The following SASH1 variants were observed in gnomAD, a reference collection of about 807,000 sequenced individuals.
SASH1 encodes SAM and SH3 domain-containing protein 1.
SASH1 carries 44 observed loss-of-function variants against 125.2 expected under a neutral mutation model. The observed-to-expected ratio is 0.35, with a 90% CI of 0.28 to 0.45. The LOEUF (loss-of-function observed/expected upper bound fraction) is 0.45. SASH1 is among the 20% of genes least tolerant of loss of function. SASH1 has a pLI of 1.00. For synonymous variants in SASH1, 639 were observed against 649.1 expected (o/e 0.98, Z 0.24); for missense variants, 1,426 against 1,614.5 (o/e 0.88, Z 2.00).
chr6:148,449,078 CT>C, intron 4 of SASH1, among the ~76,000 whole-genome samples: 52 of 88,700 alleles, frequency 5.9e-4, no homozygotes, highest in East Asian at 1.7e-3. Flanking sequence ...CATTTCATTT[CT>C]TTTTTTTTTT....
intron 4 of SASH1, among the ~76,000 whole-genome samples, chr6:148,465,678 G>C (rs892093888): frequency 9.2e-5 from 14 of 152,150 alleles, no homozygotes; most frequent in Admixed American, 2.0e-4. Context: ...GCCCGCTGAA[G>C]TAAGGTGGCA....
intron 15 of SASH1, 59 bp from the exon 16 acceptor site, chr6:148,534,692 G>C (rs564075123): frequency 1.3e-6 from 2 of 1,554,204 alleles, no homozygotes; most frequent in East Asian, 2.2e-5. Context: ...AGTTGTTGGC[G>C]GTGTTATCAT....
intron 8 of SASH1, among the ~76,000 whole-genome samples, chr6:148,494,775 TAG>T (rs1246202987): frequency 2.0e-5 from 3 of 152,298 alleles, no homozygotes; most frequent in Admixed American, 1.3e-4. Context: ...TGGTTTGAGG[TAG>T]AGAGAGCCAT....
the SASH1 span, among the ~76,000 whole-genome samples, chr6:148,218,237 TAAAA>T: frequency 4.7e-5 from 7 of 148,466 alleles, no homozygotes; most frequent in Admixed American, 4.7e-4. Flanking sequence ...GAAAAAAAAA[TAAAA>T]AAACTTAGCT....
At chr6:148,411,329 A>G (rs1270669698) in intron 2 of SASH1, among the ~76,000 whole-genome samples, 1 of 152,198 alleles carries the variant, frequency 6.6e-6, no homozygotes, top group Non-Finnish European at 1.5e-5. Flanking sequence ...ACCAAGAGAA[A>G]TACAATATAA....
At chr6:148,363,803 A>G (rs1379502850) in intron 1 of SASH1, among the ~76,000 whole-genome samples, 1 of 152,032 alleles carries the variant, frequency 6.6e-6, no homozygotes, top group Non-Finnish European at 1.5e-5. Flanking sequence ...CAAGATTTGG[A>G]GAGTCAGAAA....
intron 4 of SASH1, among the ~76,000 whole-genome samples, chr6:148,442,509 A>G (rs1472890499): frequency 1.3e-5 from 2 of 151,668 alleles, no homozygotes; most frequent in South Asian, 2.1e-4. Context: ...ACATTTGCAC[A>G]CTCCTGAGCT....
chr6:148,453,819 C>G (rs553348338), intron 4 of SASH1, among the ~76,000 whole-genome samples: 1 of 152,296 alleles, frequency 6.6e-6, no homozygotes, highest in African/African-American at 2.4e-5. Flanking sequence ...GTGAACCCCG[C>G]TTGGGGGATA....
Position 148,549,586 on chromosome 6 carries a change from G to A in SASH1, c.*1028G>A, listed in dbSNP as rs538069732. On this transcript the variant is annotated 3_prime_UTR_variant, in exon 20 of 20. Coordinates refer to ENST00000367467, the MANE Select transcript of SASH1 (RefSeq NM_015278.5). Reference sequence around the variant, plus strand: ...CATGTTTGCAAAAGGTCACTGTGAGGCTGCATATTTCAGAAAGATGTCCTT... The same window carrying A: ...CATGTTTGCAAAAGGTCACTGTGAGACTGCATATTTCAGAAAGATGTCCTT... 2 of 398,908 alleles carry A rather than the reference G, an allele frequency of 5.0e-6. No homozygotes were observed. Among genetic ancestry groups the A allele is most frequent in the South Asian group, 2.5e-4 (2 of 7,856 alleles). The allele number at this position is 398,908 out of a possible 1,614,324, so 24.7% of individuals were successfully genotyped here. A position where few individuals can be genotyped will look rare whatever the true frequency, so the allele number is the denominator to read the frequency against.
At chr6:148,504,125 G>A (rs921870171) in intron 8 of SASH1, among the ~76,000 whole-genome samples, 1 of 152,182 alleles carries the variant, frequency 6.6e-6, no homozygotes, top group Admixed American at 6.5e-5. Context: ...GAGGAGCAAA[G>A]CCAGGAGAGC....
chr6:148,479,417 C>T (rs1417245122), intron 7 of SASH1: 2 of 206,386 alleles, frequency 9.7e-6, no homozygotes, highest in Admixed American at 8.6e-5. Flanking sequence ...AGGACACCTG[C>T]GTTTGGGAAG....
chr6:148,398,465 A>C (rs961797805), intron 2 of SASH1, among the ~76,000 whole-genome samples: 2 of 152,194 alleles, frequency 1.3e-5, no homozygotes, highest in African/African-American at 2.4e-5. Context: ...ATATTCAAGA[A>C]AATGATCAGG....
chr6:148,409,003 C>T (rs888573133), intron 2 of SASH1, among the ~76,000 whole-genome samples: 5 of 152,220 alleles, frequency 3.3e-5, no homozygotes, highest in Non-Finnish European at 7.3e-5. Flanking sequence ...ACCTGCTATG[C>T]TTGTCACTCC....
chr6:148,285,987 TCAA>T, intron 1 of SASH1, among the ~76,000 whole-genome samples: 1 of 152,324 alleles, frequency 6.6e-6, no homozygotes, highest in Admixed American at 6.5e-5. Flanking sequence ...CTAGTGATAG[TCAA>T]TGGATGTTAA....
intron 2 of SASH1, among the ~76,000 whole-genome samples, chr6:148,395,971 C>T (rs984266798): frequency 6.6e-6 from 1 of 152,060 alleles, no homozygotes; most frequent in Non-Finnish European, 1.5e-5. Context: ...TGATGTGGCA[C>T]GGAGCTGACA....
chr6:148,314,246 A>G (rs1780417552), intron 1 of SASH1, among the ~76,000 whole-genome samples: 1 of 152,126 alleles, frequency 6.6e-6, no homozygotes, highest in Admixed American at 6.6e-5. Flanking sequence ...CCTGTGGTGA[A>G]CTCATGCAAC....
rs1241385037 is a variant in SASH1 at position 148,532,106 on chromosome 6, G to GTCTC, written c.1564+446_1564+449dup. Reference sequence around the variant, plus strand: ...TTTTTATTTTTATTTTTGAGATGGAGTCTCACTGTCTCCCAGGCTGGAGTG... The same window carrying GTCTC: ...TTTTTATTTTTATTTTTGAGATGGAGTCTCTCTCACTGTCTCCCAGGCTGGAGTG... On this transcript the variant is annotated intron_variant, in intron 13 of 19. Coordinates refer to ENST00000367467, the MANE Select transcript of SASH1 (RefSeq NM_015278.5). This position sits in a 1 kb window ranked among gnomAD's most constrained non-coding sequence, Gnocchi z 4.7. 6.6e-6 allele frequency among the ~76,000 whole-genome samples: 1 copy of GTCTC among 152,102 alleles called. No homozygotes were observed. Among genetic ancestry groups the GTCTC allele is most frequent in the Middle Eastern group, 3.2e-3 (1 of 316 alleles).
intron 16 of SASH1, among the ~76,000 whole-genome samples, chr6:148,537,262 C>T (rs1187995063): frequency 1.3e-5 from 2 of 152,144 alleles, no homozygotes; most frequent in African/African-American, 2.4e-5. Context: ...AAGTCAGACC[C>T]GTCCAGCCTC....
chr6:148,433,940 A>C (rs1776171667), intron 2 of SASH1, among the ~76,000 whole-genome samples: 1 of 151,922 alleles, frequency 6.6e-6, no homozygotes, highest in African/African-American at 2.4e-5. Flanking sequence ...AAATATATTA[A>C]AGTAATTGAA....
Sources: gnomAD v4.1 joint callset for allele counts (sites outside exome capture counted in the v4.1 genomes callset) on GRCh38, gnomAD v4.1.1 for gene constraint, Gnocchi (gnomAD v3.1) non-coding constraint, MANE v1.5 for transcripts, NCBI Gene and HGNC (gene_info 2026-07-23, HGNC 2026-07-21) for gene names.